HLTF: variants seen among roughly 807,000 people sequenced by gnomAD.
The protein encoded by HLTF is DNA-dependent ATPase/E3 ubiquitin-protein ligase HLTF.
A neutral mutation model predicts 129.4 loss-of-function variants in HLTF; 127 were observed. The observed-to-expected ratio is 0.98, with a 90% CI of 0.85 to 1.14. The LOEUF (loss-of-function observed/expected upper bound fraction) is 1.14, where lower values mean the gene tolerates loss of function less well. Among genes scored for constraint, HLTF ranks in the 50% most tolerant of loss-of-function variants. The probability of loss-of-function intolerance (pLI) is 0.00; values close to 1 mark genes in which losing one functional copy is unlikely to be tolerated. For synonymous variants in HLTF, 332 were observed against 388.8 expected (o/e 0.85, Z 1.72); for missense variants, 1,139 against 1,187.1 (o/e 0.96, Z 0.60).
chr3:149,034,420 C>T (rs557926242), intron 24 of HLTF, among the ~76,000 whole-genome samples: 1 of 151,886 alleles, frequency 6.6e-6, no homozygotes, highest in Non-Finnish European at 1.5e-5. Context: ...TTGCCAGGGG[C>T]TGGGGGGAGA....
At chr3:149,030,114 G>A (rs1350581312), downstream of HLTF, 2 of 152,118 alleles carry the variant, frequency 1.3e-5, no homozygotes, top group African/African-American at 2.4e-5. Flanking sequence ...TTATGGCACC[G>A]AGGAAGGTAA....
chr3:149,085,014 A>C (rs1446573550), intron 1 of HLTF, 125 bp from the exon 2 acceptor site: 6 of 691,664 alleles, frequency 8.7e-6, no homozygotes, highest in Non-Finnish European at 1.5e-5. Context: ...GGTAAAGATT[A>C]ATAGTTACTC....
intron 10 of HLTF, among the ~76,000 whole-genome samples, chr3:149,062,219 CAT>C (rs1175526223): frequency 1.3e-4 from 20 of 152,154 alleles, no homozygotes; most frequent in Non-Finnish European, 2.2e-4. Flanking sequence ...TTAGCTATAA[CAT>C]GTGTGTCAGC....
intron 2 of HLTF, among the ~76,000 whole-genome samples, chr3:149,077,263 T>C (rs1250190522): frequency 1.3e-5 from 2 of 149,082 alleles, no homozygotes; most frequent in African/African-American, 4.9e-5. Flanking sequence ...AATAAATAAA[T>C]AAATAAATAA....
chr3:149,040,970 C>T (rs1716084128), intron 20 of HLTF, among the ~76,000 whole-genome samples: 1 of 152,106 alleles, frequency 6.6e-6, no homozygotes, highest in Non-Finnish European at 1.5e-5. Context: ...TTCTACCACA[C>T]AAAAGAATCT....
At chr3:149,044,729 C>T (rs1716401709) in intron 18 of HLTF, among the ~76,000 whole-genome samples, 1 of 152,170 alleles carries the variant, frequency 6.6e-6, no homozygotes, top group Non-Finnish European at 1.5e-5. Flanking sequence ...CAATTCCAGC[C>T]TTCCACTTAT....
intron 18 of HLTF, among the ~76,000 whole-genome samples, chr3:149,045,585 C>T (rs1403510998): frequency 2.0e-5 from 3 of 152,190 alleles, no homozygotes; most frequent in Admixed American, 1.3e-4. Context: ...TCCTATCAAA[C>T]CTGCTTTGTA....
intron 5 of HLTF, among the ~76,000 whole-genome samples, chr3:149,072,969 G>A (rs910774926): frequency 6.6e-6 from 1 of 152,086 alleles, no homozygotes; most frequent in Non-Finnish European, 1.5e-5. Flanking sequence ...ACAAAAATAT[G>A]CCGTGCATAA....
intron 14 of HLTF, among the ~76,000 whole-genome samples, chr3:149,051,235 T>TAAA (rs35317937): frequency 7.1e-6 from 1 of 140,238 alleles, no homozygotes; most frequent in African/African-American, 2.6e-5. Context: ...TAAGGAAGTT[T>TAAA]AAAAAAAAAA....
intron 14 of HLTF, among the ~76,000 whole-genome samples, chr3:149,052,781 C>T (rs1302621083): frequency 3.9e-5 from 6 of 152,094 alleles, no homozygotes; most frequent in African/African-American, 1.4e-4. Flanking sequence ...GACAAAGAAT[C>T]CAATATGAGA....
Position 149,034,528 on chromosome 3 carries a change from A to G in HLTF, c.2877+390T>C, listed in dbSNP as rs1211347022. Among the ~76,000 whole-genome samples, 5 of 152,208 alleles carry G rather than the reference A, an allele frequency of 3.3e-5. No individual in the cohort carries two copies. In the East Asian group the frequency reaches 7.7e-4, roughly 23 times the overall value. ...ATTGTGATGGCTGTTGCACAACAAC[A>G]TGAATGTACTTAATGCATCTAAACT... On this transcript the variant is annotated intron_variant, in intron 24 of 24. Transcript: ENST00000310053.
intron 2 of HLTF, among the ~76,000 whole-genome samples, chr3:149,081,399 G>T (rs1031597268): frequency 1.4e-4 from 21 of 151,940 alleles, no homozygotes; most frequent in African/African-American, 5.1e-4. Context: ...AAGATTAAAA[G>T]ATTAAATGAC....
chr3:149,054,707 G>C (rs1328269022), intron 14 of HLTF, among the ~76,000 whole-genome samples: 1 of 152,116 alleles, frequency 6.6e-6, no homozygotes, highest in Non-Finnish European at 1.5e-5. Flanking sequence ...AAAAATTTCT[G>C]ATGGGTAGTG....
chr3:149,084,981 A>G, intron 1 of HLTF, 92 bp from the exon 2 acceptor site: 2 of 846,274 alleles, frequency 2.4e-6, no homozygotes, highest in Non-Finnish European at 3.7e-6. Flanking sequence ...ACTTCAGCAA[A>G]TGAAATCTTA....
chr3:149,040,436 A>T (rs1716028983), intron 20 of HLTF, among the ~76,000 whole-genome samples: 2 of 71,568 alleles, frequency 2.8e-5, no homozygotes, highest in Non-Finnish European at 6.1e-5. Context: ...AAGCAAGTTT[A>T]AAAAAAAAAT....
At chr3:149,036,481 G>A (rs1715643475) in intron 23 of HLTF, among the ~76,000 whole-genome samples, 1 of 151,838 alleles carries the variant, frequency 6.6e-6, no homozygotes. Context: ...TAGAGACGGG[G>A]TTTCACCATG....
chr3:149,061,802 C>T, intron 10 of HLTF, among the ~76,000 whole-genome samples: 1 of 149,718 alleles, frequency 6.7e-6, no homozygotes, highest in South Asian at 2.1e-4. Flanking sequence ...TGCCATTGCA[C>T]TCCAGCCTGG....
intron 10 of HLTF, among the ~76,000 whole-genome samples, chr3:149,061,970 G>A (rs1451733911): frequency 6.6e-6 from 1 of 152,168 alleles, no homozygotes; most frequent in African/African-American, 2.4e-5. Context: ...TAAATTTTGT[G>A]TAGAAAGTTT....
At chr3:149,047,868 C>T (rs944194857) in intron 17 of HLTF, among the ~76,000 whole-genome samples, 160 bp downstream of exon 17, 4 of 152,090 alleles carry the variant, frequency 2.6e-5, no homozygotes, top group African/African-American at 9.7e-5. Flanking sequence ...TCTTTCCAAA[C>T]AAGCATCACT....
Sources: allele counts gnomAD v4.1 joint callset (sites outside exome capture counted in the v4.1 genomes callset), GRCh38; gene constraint gnomAD v4.1.1; transcripts MANE v1.5; gene names NCBI Gene and HGNC (gene_info 2026-07-23, HGNC 2026-07-21).